Variants in COL11A1 observed in about 807,000 individuals in gnomAD.
COL11A1 encodes the protein collagen type XI alpha 1 chain, also known as collagen alpha-1(XI) chain.
COL11A1 carries 74 observed loss-of-function variants against 265.2 expected under a neutral mutation model. The observed-to-expected ratio is 0.28, with a 90% CI of 0.23 to 0.34. The LOEUF (loss-of-function observed/expected upper bound fraction) is 0.34, where lower values mean the gene tolerates loss of function less well. Among genes scored for constraint, COL11A1 ranks in the 10% least tolerant of loss-of-function variants. The probability of loss-of-function intolerance (pLI) is 1.00; values close to 1 mark genes in which losing one functional copy is unlikely to be tolerated. For missense variants in COL11A1, 2,165 were observed against 2,263.6 expected (o/e 0.96, Z 0.88); for synonymous variants, 816 against 727.6 (o/e 1.12, Z -1.96).
chr1:102,971,625 A>G (rs1238232585), intron 36 of COL11A1, among the ~76,000 whole-genome samples: 2 of 151,892 alleles, frequency 1.3e-5, no homozygotes, highest in Non-Finnish European at 2.9e-5. Context: ...CCAAAATGTT[A>G]TTTTCTCAAA....
chr1:103,041,154 AG>A (rs2102051527), intron 4 of COL11A1, among the ~76,000 whole-genome samples: 1 of 152,108 alleles, frequency 6.6e-6, no homozygotes, highest in East Asian at 1.9e-4. Context: ...TCACAGAGTT[AG>A]CATTAGAATT....
At chr1:102,910,873 G>GA (rs1570701320) in intron 54 of COL11A1, among the ~76,000 whole-genome samples, 1 of 149,464 alleles carries the variant, frequency 6.7e-6, no homozygotes, top group Non-Finnish European at 1.5e-5. Context: ...TCTGAGGCCA[G>GA]AAAAAAGATA....
rs565398042 is a variant in COL11A1 at position 103,008,182 on chromosome 1, T to C, written c.1683+281A>G. Among the ~76,000 whole-genome samples the C allele has an allele frequency of 1.3e-3, 194 of 152,250 alleles. 1 individual carries two copies. The highest frequency in any genetic ancestry group is 0.01 in the Middle Eastern group (3 of 294). ...ATAAACTCTCTACATTTTCATATAG[T>C]CTAATATCAGTATTTTTACACGATT... On this transcript the variant is annotated intron_variant, in intron 15 of 66. Coordinates refer to ENST00000370096, the MANE Select transcript of COL11A1 (RefSeq NM_001854.4).
rs1042210773 is a variant in COL11A1, at chr1:103,045,643, G to A, written c.652-14399C>T. On this transcript the variant is annotated intron_variant, in intron 4 of 66. Transcript: ENST00000370096. ...TAATTTTATTATTATTATACTTTAA[G>A]TTTTAGGGTACATGTGCACAACGTG... is the stretch of plus-strand genomic sequence containing the variant. Among the ~76,000 whole-genome samples the A allele has an allele frequency of 2.6e-5, 4 of 151,862 alleles. No homozygotes were observed. The South Asian group carries it at 6.2e-4, about 24-fold the overall frequency.
chr1:102,969,431 A>G (rs1199126258), intron 37 of COL11A1, among the ~76,000 whole-genome samples: 1 of 152,206 alleles, frequency 6.6e-6, no homozygotes, highest in Non-Finnish European at 1.5e-5. Context: ...GATAAAAGTA[A>G]TCATTGGTGA....
chr1:103,076,491 C>A (rs941144108), intron 3 of COL11A1, among the ~76,000 whole-genome samples: 2 of 152,040 alleles, frequency 1.3e-5, no homozygotes, highest in Non-Finnish European at 2.9e-5. Context: ...TGAGCTCAGA[C>A]GCCCCCTGGA....
At chr1:102,904,156 A>C (rs956368259) in intron 54 of COL11A1, among the ~76,000 whole-genome samples, 5 of 152,076 alleles carry the variant, frequency 3.3e-5, no homozygotes, top group African/African-American at 1.2e-4. Flanking sequence ...ATTTTGTATA[A>C]GGTGTAAGGA....
intron 1 of COL11A1, among the ~76,000 whole-genome samples, chr1:103,098,487 C>T (rs111901978): frequency 4.4e-4 from 67 of 151,828 alleles, no homozygotes; most frequent in African/African-American, 1.5e-3. Flanking sequence ...AAATTTCCAG[C>T]GTTAGGATTG....
intron 28 of COL11A1, among the ~76,000 whole-genome samples, chr1:102,990,113 A>G (rs940270041): frequency 2.0e-5 from 3 of 152,194 alleles, no homozygotes; most frequent in Admixed American, 1.3e-4. Context: ...TAAGCCCAGG[A>G]GGTCAAGGCT....
At chr1:103,003,298 T>G in intron 20 of COL11A1, 30 bp from the exon 21 acceptor site, 1 of 1,598,892 alleles carries the variant, frequency 6.3e-7, no homozygotes, top group Non-Finnish European at 8.5e-7. Flanking sequence ...CACGCCTTTA[T>G]TAAAAAAAAA....
At chr1:102,914,318 CA>C in intron 52 of COL11A1, 33 bp downstream of exon 52, 1 of 1,539,060 alleles carries the variant, frequency 6.5e-7, no homozygotes, top group South Asian at 1.1e-5. Context: ...ACATTCACTC[CA>C]AAATAATTTC....
chr1:103,040,165 T>A (rs1348244382), intron 4 of COL11A1, among the ~76,000 whole-genome samples: 2 of 151,834 alleles, frequency 1.3e-5, no homozygotes, highest in Admixed American at 1.3e-4. Context: ...TCCATCTTAA[T>A]AAAGTTATAT....
chr1:103,028,392 C>T, intron 5 of COL11A1, among the ~76,000 whole-genome samples: 1 of 152,098 alleles, frequency 6.6e-6, no homozygotes, highest in Non-Finnish European at 1.5e-5. Flanking sequence ...GCACAGCTTC[C>T]TCCGTGTGGT....
At position 102,898,705 on chromosome 1, in the gene COL11A1, C is replaced by T. The variant is rs760416069; in HGVS notation, c.4209G>A (p.Lys1403=). 4 of 1,612,810 alleles carry T rather than the reference C, an allele frequency of 2.5e-6. No individual in the cohort carries two copies. In the Admixed American group the frequency reaches 5.0e-5, roughly 20 times the overall value. The part of the protein sequence containing the change: ...GPVGPQGPAG[K]PGPEGLRGIP... ...TGCCCCGAAGACCTTCTGGACCAGG[C>T]TTTCCTGCAGGTCCCTGAGGACCGA... is the stretch of plus-strand genomic sequence containing the variant. The change falls in exon 56 of 67, where the codon AAG becomes AAA. Residue 1403 remains lysine, a synonymous_variant. Coordinates refer to ENST00000370096, the MANE Select transcript of COL11A1 (RefSeq NM_001854.4).
rs187128386 is a variant in COL11A1, at chr1:103,047,474, G to A, written c.652-16230C>T. ...ATTTTGTATCCTGAGACTTTGCTGA[G>A]GTTGCTTATCAGCTTAAGGAGATTT... On this transcript the variant is annotated intron_variant, in intron 4 of 66. Coordinates refer to ENST00000370096, the MANE Select transcript of COL11A1 (RefSeq NM_001854.4). Among the ~76,000 whole-genome samples, 726 of 152,150 alleles carry A rather than the reference G, an allele frequency of 4.8e-3. 3 individuals are homozygous for A. The highest frequency in any genetic ancestry group is 0.017 in the African/African-American group (698 of 41,514).
intron 46 of COL11A1, among the ~76,000 whole-genome samples, chr1:102,930,975 T>C (rs1338742441): frequency 1.3e-5 from 2 of 149,954 alleles, no homozygotes; most frequent in African/African-American, 4.9e-5. Flanking sequence ...TATTTGATTC[T>C]TCTCTCTTTT....
chr1:102,918,848 C>T (rs1292238984), intron 49 of COL11A1, among the ~76,000 whole-genome samples: 1 of 152,032 alleles, frequency 6.6e-6, no homozygotes, highest in Admixed American at 6.6e-5. Context: ...AACTAAACAC[C>T]TGGCATTCAT....
chr1:102,924,523 C>CTACT (rs1656362595), intron 46 of COL11A1, among the ~76,000 whole-genome samples: 2 of 152,122 alleles, frequency 1.3e-5, no homozygotes, highest in South Asian at 4.1e-4. Flanking sequence ...CAGTCATGAA[C>CTACT]TACTCTGGGG....
chr1:103,005,937 T>A (rs763498846), intron 17 of COL11A1, 46 bp from the exon 18 acceptor site: 2 of 1,610,582 alleles, frequency 1.2e-6, no homozygotes, highest in Non-Finnish European at 1.7e-6. Context: ...TCATCACAAT[T>A]CCAGTCTAGA....
Sources: allele counts gnomAD v4.1 joint callset (sites outside exome capture counted in the v4.1 genomes callset), GRCh38; gene constraint gnomAD v4.1.1; transcripts MANE v1.5; gene names NCBI Gene and HGNC (gene_info 2026-07-23, HGNC 2026-07-21).